Variants in DNAJA2 observed in about 807,000 individuals in gnomAD.
DNAJA2 encodes the protein DnaJ heat shock protein family (Hsp40) member A2.
In DNAJA2, 6 loss-of-function variants were observed where a neutral mutation model predicts 49.3. The observed-to-expected ratio is 0.12, with a 90% CI of 0.07 to 0.24. DNAJA2 has a LOEUF of 0.24. Among genes scored for constraint, DNAJA2 ranks in the 10% least tolerant of loss-of-function variants. The pLI is 1.00. For synonymous variants in DNAJA2, 160 were observed against 172.7 expected, an observed-to-expected ratio of 0.93 and a Z score of 0.58; for missense variants, 347 against 516.8, an observed-to-expected ratio of 0.67 and a Z score of 3.19.
chr16:46,962,610 G>A (rs902619003), intron 6 of DNAJA2, among the ~76,000 whole-genome samples: 3 of 152,278 alleles, frequency 2.0e-5, no homozygotes, highest in Non-Finnish European at 2.9e-5. Flanking sequence ...TGGTATGGTG[G>A]TGTGCACAGC....
intron 6 of DNAJA2, among the ~76,000 whole-genome samples, chr16:46,963,663 G>A (rs907045036): frequency 5.9e-5 from 9 of 152,014 alleles, no homozygotes; most frequent in African/African-American, 1.9e-4. Context: ...TCACACCACT[G>A]TACTCCAGCC....
At chr16:46,959,865 C>T (rs937437805) in intron 6 of DNAJA2, among the ~76,000 whole-genome samples, 1 of 152,212 alleles carries the variant, frequency 6.6e-6, no homozygotes, top group African/African-American at 2.4e-5. Flanking sequence ...CCAGTTAACA[C>T]CCAGCCAGCA....
intron 6 of DNAJA2, among the ~76,000 whole-genome samples, chr16:46,960,870 A>C (rs539445861): frequency 6.6e-6 from 1 of 151,968 alleles, no homozygotes; most frequent in East Asian, 1.9e-4. Context: ...GGAGACAAAA[A>C]ATTAAAACAT....
chr16:46,956,896 T>C lies in DNAJA2; in HGVS notation c.*133A>G, dbSNP rs1004982832. 1.0e-6 allele frequency: 1 copy of C among 959,938 alleles called. No individual in the cohort carries two copies. The highest frequency in any genetic ancestry group is 1.6e-6 in the Non-Finnish European group (1 of 618,014). The allele number at this position is 959,938 out of a possible 1,614,324, so 59.5% of individuals were successfully genotyped here. Reference sequence around the variant, plus strand: ...ATACACTCTGTAGATACTATACCAATTTTAAAAGTTATACATAGACCAACA... The same window carrying C: ...ATACACTCTGTAGATACTATACCAACTTTAAAAGTTATACATAGACCAACA... On this transcript the variant is annotated 3_prime_UTR_variant, in exon 9 of 9. Transcript: ENST00000317089.
chr16:46,961,937 G>A (rs978657306), intron 6 of DNAJA2, among the ~76,000 whole-genome samples: 2 of 151,880 alleles, frequency 1.3e-5, no homozygotes, highest in African/African-American at 2.4e-5. Context: ...CCAGACCACC[G>A]AGACACACAA....
intron 8 of DNAJA2, among the ~76,000 whole-genome samples, chr16:46,958,365 A>G (rs1007119338): frequency 6.6e-6 from 1 of 152,026 alleles, no homozygotes; most frequent in African/African-American, 2.4e-5. Context: ...TCGATCTAAC[A>G]TGGCTAACAT....
intron 5 of DNAJA2, among the ~76,000 whole-genome samples, chr16:46,966,453 CAT>C (rs1247089155): frequency 1.3e-5 from 2 of 152,178 alleles, no homozygotes; most frequent in Non-Finnish European, 2.9e-5. Flanking sequence ...ACACTAGCCA[CAT>C]GTGAAATATG....
At chr16:46,963,198 A>G (rs1961923107) in intron 6 of DNAJA2, among the ~76,000 whole-genome samples, 1 of 152,206 alleles carries the variant, frequency 6.6e-6, no homozygotes, top group East Asian at 1.9e-4. Context: ...AGAGGAACAC[A>G]TGAGTAAATG....
At position 46,973,537 on chromosome 16, in the gene DNAJA2, G is replaced by A; in HGVS notation, c.36C>T (p.Ile12=). The change falls in exon 1 of 9, where the codon ATC becomes ATT. Residue 12 remains isoleucine, a synonymous_variant. Coordinates refer to ENST00000317089, the MANE Select transcript of DNAJA2 (RefSeq NM_005880.4). ...CGCTGGCGCCGGGCGGGACGCCCAG[G>A]ATGTCGTACAGCTTCGTGTCAGCCA... ...ANVADTKLYD[I]LGVPPGASEN... 1.2e-6 allele frequency: 2 copies of A among 1,602,980 alleles called. No homozygotes were observed. Among genetic ancestry groups the A allele is most frequent in the South Asian group, 1.1e-5 (1 of 89,994 alleles).
chr16:46,961,744 GAATA>G (rs1961898630), intron 6 of DNAJA2, among the ~76,000 whole-genome samples: 1 of 152,062 alleles, frequency 6.6e-6, no homozygotes, highest in Non-Finnish European at 1.5e-5. Flanking sequence ...AGTTTAAACA[GAATA>G]AACAAGCAAG....
At chr16:46,964,378 C>T (rs1567353559) in intron 6 of DNAJA2, among the ~76,000 whole-genome samples, 1 of 152,080 alleles carries the variant, frequency 6.6e-6, no homozygotes, top group Non-Finnish European at 1.5e-5. Flanking sequence ...AACTGAGGGG[C>T]AGGGGGAAGA....
intron 5 of DNAJA2, among the ~76,000 whole-genome samples, chr16:46,966,437 C>T (rs1166129790): frequency 1.3e-5 from 2 of 152,138 alleles, no homozygotes; most frequent in Admixed American, 6.5e-5. Flanking sequence ...AAATAGTTCT[C>T]CAGTCACACT....
intron 1 of DNAJA2, 151 bp downstream of exon 1, chr16:46,973,344 C>T: frequency 1.8e-6 from 1 of 548,130 alleles, no homozygotes; most frequent in Non-Finnish European, 2.5e-6. Flanking sequence ...GCGGCGAGGC[C>T]GGTCCCGCCG....
chr16:46,967,700 A>G (rs955565112), intron 4 of DNAJA2, 54 bp from the exon 5 acceptor site: 5 of 1,607,254 alleles, frequency 3.1e-6, no homozygotes, highest in Non-Finnish European at 3.4e-6. Context: ...CACTCCAATA[A>G]GCTATGACAC....
At chr16:46,965,569 A>G in intron 5 of DNAJA2, among the ~76,000 whole-genome samples, 1 of 152,088 alleles carries the variant, frequency 6.6e-6, no homozygotes, top group Admixed American at 6.6e-5. Flanking sequence ...GGTGGCTCAC[A>G]CCTGTAATCC....
At chr16:46,963,132 G>A (rs1961922060) in intron 6 of DNAJA2, among the ~76,000 whole-genome samples, 1 of 152,088 alleles carries the variant, frequency 6.6e-6, no homozygotes, top group Admixed American at 6.5e-5. Flanking sequence ...CTTATGCATA[G>A]GAGAAAATTT....
intron 6 of DNAJA2, among the ~76,000 whole-genome samples, chr16:46,960,723 G>A (rs769598753): frequency 1.3e-5 from 2 of 152,032 alleles, no homozygotes; most frequent in Non-Finnish European, 2.9e-5. Context: ...AGGCTGCAGT[G>A]AACCAAGATC....
At chr16:46,966,641 G>C (rs1348590561) in intron 5 of DNAJA2, among the ~76,000 whole-genome samples, 1 of 152,198 alleles carries the variant, frequency 6.6e-6, no homozygotes, top group Admixed American at 6.5e-5. Context: ...CCATGTGTCT[G>C]TGGCCATAAA....
intron 5 of DNAJA2, among the ~76,000 whole-genome samples, chr16:46,967,198 C>A (rs1416859060): frequency 6.6e-6 from 1 of 151,924 alleles, no homozygotes; most frequent in African/African-American, 2.4e-5. Context: ...GCAATCCTCC[C>A]GCCTCAGCCT....
Sources: allele counts gnomAD v4.1 joint callset (sites outside exome capture counted in the v4.1 genomes callset), GRCh38; gene constraint gnomAD v4.1.1; transcripts MANE v1.5; gene names NCBI Gene and HGNC (gene_info 2026-07-23, HGNC 2026-07-21).